SNX31: variants seen among roughly 807,000 people sequenced by gnomAD.
SNX31 encodes the protein sorting nexin 31, also known as sorting nexin-31.
Under a neutral mutation model 65.4 loss-of-function variants are expected in SNX31, and 58 were observed. The observed-to-expected ratio is 0.89, with a 90% CI of 0.72 to 1.10. The LOEUF is 1.10. SNX31 is among the 50% of genes least tolerant of loss of function. The pLI is 0.00. For synonymous variants in SNX31, 181 were observed against 190.1 expected (o/e 0.95, Z 0.39); for missense variants, 523 against 529.7 (o/e 0.99, Z 0.12).
intron 10 of SNX31, among the ~76,000 whole-genome samples, chr8:100,591,506 A>AAAAG (rs1814586474): frequency 6.6e-6 from 1 of 150,932 alleles, no homozygotes; most frequent in African/African-American, 2.4e-5. Flanking sequence ...AAAAAAAAAA[A>AAAAG]AAGAAGGAAA....
Position 100,649,268 on chromosome 8 carries a change from G to T in SNX31, c.141+6C>A. Reference sequence around the variant, plus strand: ...ATGGGCTCGTACCCGCCTCCAATCTGCTCACCTGTTCGTTCCAACCGTGCA... The same window carrying T: ...ATGGGCTCGTACCCGCCTCCAATCTTCTCACCTGTTCGTTCCAACCGTGCA... On this transcript the variant is annotated splice_donor_region_variant and intron_variant, in intron 2 of 13. Transcript: ENST00000311812. The T allele has an allele frequency of 1.9e-6, 3 of 1,613,826 alleles. No homozygotes were observed. The South Asian group carries it at 3.3e-5, about 18-fold the overall frequency.
chr8:100,651,647 T>G (rs1304470036), upstream of SNX31, among the ~76,000 whole-genome samples: 1 of 152,252 alleles, frequency 6.6e-6, no homozygotes, highest in East Asian at 1.9e-4. Flanking sequence ...TACTCCACAC[T>G]GTGCAAGACA....
At chr8:100,640,908 A>G (rs1819125898) in intron 2 of SNX31, among the ~76,000 whole-genome samples, 1 of 152,208 alleles carries the variant, frequency 6.6e-6, no homozygotes. Flanking sequence ...ATAGGACATT[A>G]GGTAAACACT....
chr8:100,608,503 G>C lies in SNX31; in HGVS notation c.672C>G (p.Leu224=), dbSNP rs1478574590. ...LMDCRVAVDL[L]YMQAIQDIEK... ...TCTTGGTGACCCTCACCTGCATGTA[G>C]AGCAAATCTACCGCCACCCTGCAGT... Residue 224 remains leucine (L), a synonymous_variant, in exon 8 of 14, where the codon CTC becomes CTG. Coordinates refer to ENST00000311812, the MANE Select transcript of SNX31 (RefSeq NM_152628.4). 6.2e-7 allele frequency: 1 copy of C among 1,614,066 alleles called. No individual in the cohort carries two copies.
At position 100,618,303 on chromosome 8, in the gene SNX31, A is replaced by G. The variant is rs1049079137; in HGVS notation, c.322-573T>C. The G allele has an allele frequency of 5.2e-6, 8 of 1,529,124 alleles. No homozygotes were observed. The African/African-American group carries it at 9.6e-5, about 18-fold the overall frequency. 94.7% of individuals were successfully genotyped at this position (1,529,124 alleles called of 1,614,324 possible). A position where few individuals can be genotyped will look rare whatever the true frequency, so the allele number is the denominator to read the frequency against. On this transcript the variant is annotated intron_variant, in intron 4 of 13. Transcript: ENST00000311812. The stretch of plus-strand genomic sequence containing the variant: ...GAAAACAGCTTTTGATAAAGTCTGC[A>G]TCCTTAACAGTCTCATAATTAACTT...
chr8:100,577,654 G>T (rs1586829184), intron 12 of SNX31, among the ~76,000 whole-genome samples: 1 of 152,166 alleles, frequency 6.6e-6, no homozygotes. Flanking sequence ...GGATGTTGGG[G>T]CCCCCAGGGG....
chr8:100,589,729 G>A (rs1357062973), intron 10 of SNX31, among the ~76,000 whole-genome samples: 2 of 152,196 alleles, frequency 1.3e-5, no homozygotes, highest in East Asian at 3.8e-4. Context: ...TATGAGAAGA[G>A]GCTTAGGACC....
upstream of SNX31, among the ~76,000 whole-genome samples, chr8:100,653,839 C>T (rs899834934): frequency 6.6e-5 from 10 of 152,184 alleles, no homozygotes; most frequent in East Asian, 1.9e-3. Flanking sequence ...GGAAGAGCAG[C>T]TCAGAGGAAA....
intron 5 of SNX31, among the ~76,000 whole-genome samples, chr8:100,615,464 A>T (rs1311479025): frequency 6.6e-6 from 1 of 152,256 alleles, no homozygotes; most frequent in Non-Finnish European, 1.5e-5. Context: ...TAACTTACCC[A>T]AATTCACACA....
chr8:100,602,440 C>T (rs1329150136), intron 8 of SNX31, among the ~76,000 whole-genome samples: 1 of 152,148 alleles, frequency 6.6e-6, no homozygotes, highest in Non-Finnish European at 1.5e-5. Context: ...GGACACTATC[C>T]AAGACTCCCA....
At chr8:100,636,241 T>A (rs1266504904) in intron 2 of SNX31, among the ~76,000 whole-genome samples, 1 of 152,228 alleles carries the variant, frequency 6.6e-6, no homozygotes, top group African/African-American at 2.4e-5. Context: ...ACAGCTCCAG[T>A]CTAAGTTTGG....
At chr8:100,620,628 T>C in intron 4 of SNX31, among the ~76,000 whole-genome samples, 1 of 152,368 alleles carries the variant, frequency 6.6e-6, no homozygotes, top group African/African-American at 2.4e-5. Flanking sequence ...ACATCATTTA[T>C]GGATAAAATA....
At chr8:100,641,100 TA>T (rs897857174) in intron 2 of SNX31, among the ~76,000 whole-genome samples, 9 of 151,948 alleles carry the variant, frequency 5.9e-5, no homozygotes, top group African/African-American at 1.2e-4. Flanking sequence ...TAAGTTTATT[TA>T]AAAAAAAACT....
rs1814217018 is a variant in SNX31 at position 100,588,099 on chromosome 8, GA to G, written c.1092+766del. 7.1e-6 allele frequency among the ~76,000 whole-genome samples: 1 copy of G among 141,664 alleles called. No individual in the cohort carries two copies. The highest frequency in any genetic ancestry group is 2.3e-4 in the South Asian group (1 of 4,344). The allele number at this position is 141,664 out of a possible 152,430, so 92.9% of individuals were successfully genotyped here. ...CCTAAACATAGAAAAGGTACTACAGGAAAAAGGTGAAACATTAAAAAAAAAC... is the reference window on the plus strand; with the variant it reads ...CCTAAACATAGAAAAGGTACTACAGGAAAAGGTGAAACATTAAAAAAAAAC... On this transcript the variant is annotated intron_variant, in intron 11 of 13. Coordinates refer to ENST00000311812, the MANE Select transcript of SNX31 (RefSeq NM_152628.4). This position sits in a 1 kb window ranked among gnomAD's most constrained non-coding sequence, Gnocchi z 4.8.
chr8:100,574,977 G>A (rs553273742), intron 13 of SNX31, among the ~76,000 whole-genome samples: 33 of 152,270 alleles, frequency 2.2e-4, no homozygotes, highest in African/African-American at 7.9e-4. Flanking sequence ...ACATTTTAGA[G>A]GTTAGGGTTA....
rs573647165 is a variant in SNX31 at position 100,622,887 on chromosome 8, G to T, written c.322-5157C>A. Among the ~76,000 whole-genome samples, 79 of 152,204 alleles carry T rather than the reference G, an allele frequency of 5.2e-4. No individual in the cohort carries two copies. Among genetic ancestry groups the T allele is most frequent in the Non-Finnish European group, 8.2e-4 (56 of 68,010 alleles). On this transcript the variant is annotated intron_variant, in intron 4 of 13. Coordinates refer to ENST00000311812, the MANE Select transcript of SNX31 (RefSeq NM_152628.4). This position sits in a 1 kb window ranked among gnomAD's most constrained non-coding sequence, Gnocchi z 5.0. Reference sequence around the variant, plus strand: ...GTAACCTCCTCTCAGTAAAGAACCTGCACATCAAGGGAGGTAAGAGGTTAA... The same window carrying T: ...GTAACCTCCTCTCAGTAAAGAACCTTCACATCAAGGGAGGTAAGAGGTTAA...
In SNX31 at chr8:100,630,457, T is replaced by C. The variant is rs774825238; in HGVS notation, c.257-66A>G. ...GCTGGGCCCTGCCTATTAATTGCTA[T>C]GTCCTCCAGAGATCCCTCCATGCCT... On this transcript the variant is annotated intron_variant, in intron 3 of 13. Coordinates refer to ENST00000311812, the MANE Select transcript of SNX31 (RefSeq NM_152628.4). The surrounding 1 kb of genome is among the most constrained non-coding windows in gnomAD (Gnocchi z 5.3). The C allele has an allele frequency of 1.5e-5, 21 of 1,377,292 alleles. No individual in the cohort carries two copies. The highest frequency in any genetic ancestry group is 2.0e-5 in the Non-Finnish European group (20 of 989,552). 85.3% of individuals were successfully genotyped at this position (1,377,292 alleles called of 1,614,324 possible). A position where few individuals can be genotyped will look rare whatever the true frequency, so the allele number is the denominator to read the frequency against.
rs1813204686 is a variant in SNX31, at chr8:100,578,196, G to A, written c.1171-1121C>T. Among the ~76,000 whole-genome samples the A allele has an allele frequency of 6.6e-6, 1 of 152,172 alleles. No homozygotes were observed. Among genetic ancestry groups the A allele is most frequent in the Non-Finnish European group, 1.5e-5 (1 of 68,036 alleles). Reference sequence around the variant, plus strand: ...GCAGAGTGGGAGTGAATCTGGAAAGGCAGAGTGCCTGGCACACCTAGTAAA... The same window carrying A: ...GCAGAGTGGGAGTGAATCTGGAAAGACAGAGTGCCTGGCACACCTAGTAAA... On this transcript the variant is annotated intron_variant, in intron 12 of 13. Coordinates refer to ENST00000311812, the MANE Select transcript of SNX31 (RefSeq NM_152628.4). This position sits in a 1 kb window ranked among gnomAD's most constrained non-coding sequence, Gnocchi z 4.7.
rs28611021 is a variant in SNX31, at chr8:100,660,570, A to C, written c.-58+2572T>G. On this transcript the variant is annotated intron_variant, in intron 1 of 5. Coordinates refer to the SNX31 transcript ENST00000520352. The surrounding 1 kb of genome is among the most constrained non-coding windows in gnomAD (Gnocchi z 4.1). ...TCACTCAGCACGGGGCTCTAACTCA[A>C]GTGGCAGGCGTCCCTGACCTGACAG... Among the ~76,000 whole-genome samples, 17,907 of 152,234 alleles carry C rather than the reference A, an allele frequency of 0.12. 1,501 individuals carry two copies. Among genetic ancestry groups the C allele is most frequent in the African/African-American group, 0.23 (9,538 of 41,504 alleles).
Sources: allele counts gnomAD v4.1 joint callset (sites outside exome capture counted in the v4.1 genomes callset), GRCh38; gene constraint gnomAD v4.1.1; non-coding constraint Gnocchi (gnomAD v3.1); transcripts MANE v1.5; gene names NCBI Gene and HGNC (gene_info 2026-07-23, HGNC 2026-07-21).